The following SHBG variants were observed in gnomAD, a reference collection of about 807,000 sequenced individuals.
SHBG encodes the protein sex hormone-binding globulin.
SHBG carries 37 observed loss-of-function variants against 41.9 expected under a neutral mutation model. The ratio of observed to expected loss-of-function variants is 0.88; its 90% CI spans 0.68 to 1.16. SHBG has a LOEUF of 1.16. Among genes scored for constraint, SHBG ranks in the 50% most tolerant of loss-of-function variants. The pLI is 0.00. For missense variants in SHBG, 466 were observed against 499.9 expected (o/e 0.93, Z 0.65); for synonymous variants, 217 against 205.8 (o/e 1.05, Z -0.47).
chr17:7,626,547 T>C (rs1302982401), upstream of SHBG: 1 of 1,614,164 alleles, frequency 6.2e-7, no homozygotes, highest in Admixed American at 1.7e-5. Context: ...CTTGTACAAG[T>C]CCATGGCCCT....
At chr17:7,626,446 G>A (rs748114191), upstream of SHBG, 107 of 1,613,764 alleles carry the variant, frequency 6.6e-5, 1 homozygote, top group East Asian at 2.7e-4. Context: ...TAGGGATGGC[G>A]TCACTTTCCT....
intron 1 of SHBG, chr17:7,614,461 G>T: frequency 6.5e-7 from 1 of 1,539,798 alleles, no homozygotes; most frequent in Non-Finnish European, 8.7e-7. Context: ...CCTTGTAGAA[G>T]GCCCCGTTGG....
At chr17:7,624,003 G>T (rs894901705), upstream of SHBG, among the ~76,000 whole-genome samples, 1 of 152,176 alleles carries the variant, frequency 6.6e-6, no homozygotes, top group African/African-American at 2.4e-5. Context: ...GTCGCCCAGA[G>T]TGCAGTAGTG....
At chr17:7,633,158 A>G (rs1335223526) in intron 7 of SHBG, 46 bp from the exon 8 acceptor site, 2 of 1,610,360 alleles carry the variant, frequency 1.2e-6, no homozygotes, top group African/African-American at 1.3e-5. Flanking sequence ...TCTGGATCCG[A>G]GCCACCTTAA....
chr17:7,628,499 T>C (rs2072296620), upstream of SHBG, among the ~76,000 whole-genome samples: 1 of 151,852 alleles, frequency 6.6e-6, no homozygotes, highest in South Asian at 2.1e-4. Flanking sequence ...CAGGCTGGAG[T>C]GCAGTGGCGC....
At chr17:7,627,070 G>T, upstream of SHBG, 2 of 1,613,164 alleles carry the variant, frequency 1.2e-6, no homozygotes, top group East Asian at 2.2e-5. This position sits in a 1 kb window ranked among gnomAD's most constrained non-coding sequence, Gnocchi z 4.8. Context: ...GGGGAGTAAG[G>T]CTTCTGGAAG....
upstream of SHBG, among the ~76,000 whole-genome samples, chr17:7,628,558 T>C (rs2150964837): frequency 6.6e-6 from 1 of 152,198 alleles, no homozygotes; most frequent in East Asian, 1.9e-4. Flanking sequence ...GCGATTCTCC[T>C]GCCTCACCCT....
At chr17:7,617,589 C>G (rs941595665) in intron 1 of SHBG, among the ~76,000 whole-genome samples, 1 of 150,990 alleles carries the variant, frequency 6.6e-6, no homozygotes, top group Non-Finnish European at 1.5e-5. Flanking sequence ...GGTGACAGAG[C>G]GAGACTCCAT....
Position 7,630,908 on chromosome 17 carries a change from G to C in SHBG, c.393+39G>C. On this transcript the variant is annotated intron_variant, in intron 3 of 7. Transcript: ENST00000380450. This position sits in a 1 kb window ranked among gnomAD's most constrained non-coding sequence, Gnocchi z 4.6. ...GGTCCTCAGGGGAGGGATGTCTGGA[G>C]CTGGTCTGAGGAAAGGGAACAAAAC... The C allele has an allele frequency of 6.3e-7, 1 of 1,587,514 alleles. No individual in the cohort carries two copies. Among genetic ancestry groups the C allele is most frequent in the Admixed American group, 1.7e-5 (1 of 59,922 alleles).
In SHBG at chr17:7,633,179, C is replaced by A. The variant is rs757298061; in HGVS notation, c.1061-25C>A. On this transcript the variant is annotated intron_variant, in intron 7 of 7. Coordinates refer to ENST00000380450, the MANE Select transcript of SHBG (RefSeq NM_001040.5). ...TCCGAGCCACCTTAATGCTCTAATG[C>A]CACCTTTGCACTACCTCCCTCTAGG... The A allele has an allele frequency of 5.0e-6, 8 of 1,613,770 alleles. No homozygotes were observed. In the South Asian group the frequency reaches 8.8e-5, roughly 18 times the overall value.
At chr17:7,614,065 A>G (rs1348191106) in exon 1 of SHBG, 2 of 477,188 alleles carry the variant, frequency 4.2e-6, no homozygotes, top group Non-Finnish European at 8.2e-6. Flanking sequence ...AAGAAAGACA[A>G]TTCTCCATGT....
At chr17:7,633,046 T>C in intron 7 of SHBG, 87 bp downstream of exon 7, 3 of 1,439,018 alleles carry the variant, frequency 2.1e-6, no homozygotes, top group South Asian at 1.2e-5. Flanking sequence ...AGGAAACCTC[T>C]GGGAGGGAAG....
At chr17:7,626,937 C>T (rs1456835440), upstream of SHBG, 14 of 1,613,238 alleles carry the variant, frequency 8.7e-6, no homozygotes, top group Non-Finnish European at 1.2e-5. Flanking sequence ...AGCTTCTGCC[C>T]AGTACCCCGA....
At chr17:7,628,793 C>G (rs945847700), upstream of SHBG, among the ~76,000 whole-genome samples, 48 of 152,060 alleles carry the variant, frequency 3.2e-4, no homozygotes, top group African/African-American at 1.1e-3. Context: ...CAGTGGCTCA[C>G]ACCTGTAATC....
At chr17:7,632,497 C>T (rs546747413) in intron 6 of SHBG, among the ~76,000 whole-genome samples, 30 of 151,984 alleles carry the variant, frequency 2.0e-4, no homozygotes, top group Non-Finnish European at 2.9e-4. Flanking sequence ...GTGGTAGGGG[C>T]GAGGGACATA....
At chr17:7,627,541 C>T (rs2072254923), upstream of SHBG, 1 of 1,600,788 alleles carries the variant, frequency 6.2e-7, no homozygotes, top group Non-Finnish European at 8.5e-7. The surrounding 1 kb of genome is among the most constrained non-coding windows in gnomAD (Gnocchi z 4.8). Flanking sequence ...GCCACTCTGA[C>T]CCCCGGGTTA....
rs376707080 is a variant in SHBG, at chr17:7,630,442, C to T, written c.138C>T (p.His46=). Residue 46 remains histidine (H), a synonymous_variant, in exon 2 of 8, where the codon CAC becomes CAT. Transcript: ENST00000380450. This position sits in a 1 kb window ranked among gnomAD's most constrained non-coding sequence, Gnocchi z 4.6. ...TQSAHDPPAV[H]LSNGPGQEPI... ...GTGCCCACGACCCTCCGGCTGTCCA[C>T]CTCAGCAATGGCCCAGGACAAGAGC... 5 of 1,614,044 alleles carry T rather than the reference C, an allele frequency of 3.1e-6. No homozygotes were observed. Among genetic ancestry groups the T allele is most frequent in the African/African-American group, 1.3e-5 (1 of 74,922 alleles).
In SHBG at chr17:7,618,578, A is replaced by T. The variant is rs146786837; in HGVS notation, c.-62+4467A>T. Among the ~76,000 whole-genome samples, 1,072 of 152,190 alleles carry T rather than the reference A, an allele frequency of 7.0e-3. 14 individuals are homozygous for T. The highest frequency in any genetic ancestry group is 0.024 in the African/African-American group (989 of 41,524). On this transcript the variant is annotated intron_variant, in intron 1 of 5. Coordinates refer to the SHBG transcript ENST00000570547. ...CACCTCGGCTGCCCAAAGTGTTGGG[A>T]TTATAGGCATGAGCCACTGCGCCCG...
chr17:7,625,979 G>T (rs552328730), upstream of SHBG, among the ~76,000 whole-genome samples: 1 of 150,752 alleles, frequency 6.6e-6, no homozygotes, highest in Non-Finnish European at 1.5e-5. Context: ...CGAGGCGGAC[G>T]GATCACGAGA....
Sources: gnomAD v4.1 joint callset for allele counts (sites outside exome capture counted in the v4.1 genomes callset) on GRCh38, gnomAD v4.1.1 for gene constraint, Gnocchi (gnomAD v3.1) non-coding constraint, MANE v1.5 for transcripts, NCBI Gene and HGNC (gene_info 2026-07-23, HGNC 2026-07-21) for gene names.